The following PALD1 variants were observed in gnomAD, a reference collection of about 807,000 sequenced individuals.
PALD1 encodes the protein paladin.
In PALD1, 57 loss-of-function variants were observed where a neutral mutation model predicts 96.0. The observed-to-expected ratio is 0.59, with a 90% CI of 0.48 to 0.74. PALD1 has a LOEUF of 0.74. Among genes scored for constraint, PALD1 ranks in the 30% least tolerant of loss-of-function variants. The pLI is 0.00. For synonymous variants in PALD1, 464 were observed against 473.6 expected, an observed-to-expected ratio of 0.98 and a Z score of 0.26; for missense variants, 1,063 against 1,143.7, an observed-to-expected ratio of 0.93 and a Z score of 1.02.
At chr10:70,522,152 G>A (rs1000925069) in intron 1 of PALD1, among the ~76,000 whole-genome samples, 5 of 152,184 alleles carry the variant, frequency 3.3e-5, no homozygotes, top group Admixed American at 2.6e-4. Flanking sequence ...TGTCTTTGAG[G>A]GAAAGGCTTG....
chr10:70,490,430 A>G (rs1846080641), intron 1 of PALD1, among the ~76,000 whole-genome samples: 1 of 152,210 alleles, frequency 6.6e-6, no homozygotes. Flanking sequence ...TGTGTTGCCC[A>G]GGTCTTCAAC....
chr10:70,507,987 G>A (rs960219355), intron 1 of PALD1, among the ~76,000 whole-genome samples: 24 of 152,208 alleles, frequency 1.6e-4, no homozygotes, highest in Non-Finnish European at 2.9e-4. Flanking sequence ...CCTGTGGTGG[G>A]AAGGCACGGA....
At position 70,568,090 on chromosome 10, in the gene PALD1, AC is replaced by A. The variant is rs1847887137; in HGVS notation, c.*1362del. Reference sequence around the variant, plus strand: ...TTTATCCAGTATTGGAAAATATTTGACCCCCTTGGCTGAATTCTTTTGCAGA... The same window carrying A: ...TTTATCCAGTATTGGAAAATATTTGACCCCTTGGCTGAATTCTTTTGCAGA... On this transcript the variant is annotated 3_prime_UTR_variant, in exon 20 of 20. Transcript: ENST00000263563. 1 of 150,986 alleles carries A rather than the reference AC, an allele frequency of 6.6e-6. No individual in the cohort carries two copies. Among genetic ancestry groups the A allele is most frequent in the African/African-American group, 2.4e-5 (1 of 40,958 alleles). 9.4% of individuals were successfully genotyped at this position (150,986 alleles called of 1,614,324 possible). A position where few individuals can be genotyped will look rare whatever the true frequency, so the allele number is the denominator to read the frequency against.
intron 1 of PALD1, among the ~76,000 whole-genome samples, chr10:70,524,137 G>A (rs955154140): frequency 6.6e-6 from 1 of 152,212 alleles, no homozygotes; most frequent in African/African-American, 2.4e-5. Context: ...CTTGTGCCTG[G>A]TTGAGGGCAG....
intron 18 of PALD1, among the ~76,000 whole-genome samples, chr10:70,554,906 CCTCCCCTCT>C (rs1847561366): frequency 2.5e-5 from 2 of 80,140 alleles, no homozygotes; most frequent in East Asian, 4.8e-4. Context: ...TTGAGCCTCC[CCTCCCCTCT>C]CCTCCCCTCC....
intron 18 of PALD1, among the ~76,000 whole-genome samples, chr10:70,563,139 AT>A (rs1847775509): frequency 6.6e-6 from 1 of 152,148 alleles, no homozygotes; most frequent in African/African-American, 2.4e-5. Context: ...AGGCATCTGC[AT>A]TTTAAAGTTC....
chr10:70,496,554 A>G (rs552313094), intron 1 of PALD1, among the ~76,000 whole-genome samples: 4 of 152,236 alleles, frequency 2.6e-5, no homozygotes, highest in Non-Finnish European at 4.4e-5. Context: ...TTCATTCCAC[A>G]TCAGCCCTGA....
intron 1 of PALD1, among the ~76,000 whole-genome samples, chr10:70,520,962 G>A (rs1218140516): frequency 6.6e-6 from 1 of 152,128 alleles, no homozygotes; most frequent in Non-Finnish European, 1.5e-5. Context: ...AAAATGCTGG[G>A]ATTACAGGCG....
intron 1 of PALD1, among the ~76,000 whole-genome samples, chr10:70,481,425 G>A (rs1051245137): frequency 3.3e-5 from 5 of 152,144 alleles, no homozygotes; most frequent in African/African-American, 7.2e-5. Context: ...GGGGTTTGAG[G>A]ACCCCAAAAA....
chr10:70,537,434 C>T (rs191245451), intron 10 of PALD1, among the ~76,000 whole-genome samples: 4 of 152,350 alleles, frequency 2.6e-5, no homozygotes, highest in Admixed American at 2.0e-4. Context: ...GGGCCTCTGG[C>T]TCGGGGGTGT....
At chr10:70,518,053 G>A (rs192578253) in intron 1 of PALD1, among the ~76,000 whole-genome samples, 4 of 151,934 alleles carry the variant, frequency 2.6e-5, no homozygotes, top group Admixed American at 2.0e-4. Flanking sequence ...ACAGGCATGC[G>A]CCATCACGCC....
chr10:70,472,294 CTT>C, the PALD1 span, among the ~76,000 whole-genome samples: 5 of 152,098 alleles, frequency 3.3e-5, no homozygotes, highest in South Asian at 8.3e-4. Flanking sequence ...GAGTTTTGCT[CTT>C]GTCGCCTGGG....
rs1053798442 is a variant in PALD1 at position 70,522,169 on chromosome 10, G to A, written c.-29-3754G>A. On this transcript the variant is annotated intron_variant, in intron 1 of 19. Coordinates refer to ENST00000263563, the MANE Select transcript of PALD1 (RefSeq NM_014431.3). ...TCTTTGAGGGAAAGGCTTGTGCCCC[G>A]CATGGTGGACACCCAGGCCGTTGTG... 2.8e-4 allele frequency among the ~76,000 whole-genome samples: 43 copies of A among 152,284 alleles called. 1 individual carries two copies. Among genetic ancestry groups the A allele is most frequent in the Middle Eastern group, 3.4e-3 (1 of 294 alleles).
chr10:70,473,373 T>A, the PALD1 span, among the ~76,000 whole-genome samples: 1 of 152,226 alleles, frequency 6.6e-6, no homozygotes, highest in Non-Finnish European at 1.5e-5. Flanking sequence ...TAGTGGGCAC[T>A]TAAAGAGCAT....
the PALD1 span, among the ~76,000 whole-genome samples, chr10:70,464,781 A>G: frequency 6.7e-6 from 1 of 149,602 alleles, no homozygotes; most frequent in Non-Finnish European, 1.5e-5. Context: ...ACATACCACC[A>G]CGCCCGGCTA....
At chr10:70,548,030 G>A (rs1028422322) in intron 18 of PALD1, among the ~76,000 whole-genome samples, 1 of 145,480 alleles carries the variant, frequency 6.9e-6, no homozygotes, top group Non-Finnish European at 1.5e-5. Flanking sequence ...TTTTGGCCAG[G>A]TGCAGTGGCT....
rs145735902 is a variant in PALD1, at chr10:70,481,063, A to T, written c.-30+2004A>T. On this transcript the variant is annotated intron_variant, in intron 1 of 19. Coordinates refer to ENST00000263563, the MANE Select transcript of PALD1 (RefSeq NM_014431.3). ...TGGGATCTGAATCTCCCCACATGGG[A>T]GGCAGACATGTAAGTGGACAGACAT... 2.6e-5 allele frequency among the ~76,000 whole-genome samples: 4 copies of T among 152,338 alleles called. No homozygotes were observed. In the East Asian group the frequency reaches 7.7e-4, roughly 29 times the overall value.
chr10:70,485,432 A>G (rs902234711), intron 1 of PALD1: 1 of 151,930 alleles, frequency 6.6e-6, no homozygotes, highest in African/African-American at 2.4e-5. Flanking sequence ...TTTTTGAGAC[A>G]GAGTTTCACT....
the PALD1 span, among the ~76,000 whole-genome samples, chr10:70,458,582 G>A: frequency 6.6e-6 from 1 of 152,182 alleles, no homozygotes; most frequent in Non-Finnish European, 1.5e-5. Context: ...TGTTCCCGCC[G>A]GGCGGGTGGC....
Sources: allele counts gnomAD v4.1 joint callset (sites outside exome capture counted in the v4.1 genomes callset), GRCh38; gene constraint gnomAD v4.1.1; transcripts MANE v1.5; gene names NCBI Gene and HGNC (gene_info 2026-07-23, HGNC 2026-07-21).